Variants in HPCAL1 observed in about 807,000 individuals in gnomAD.
HPCAL1 encodes the protein hippocalcin like 1, also known as hippocalcin-like protein 1.
A neutral mutation model predicts 17.1 loss-of-function variants in HPCAL1; 8 were observed. The ratio of observed to expected loss-of-function variants is 0.47; its 90% CI spans 0.27 to 0.84. HPCAL1 has a LOEUF of 0.84. Among genes scored for constraint, HPCAL1 ranks in the 40% least tolerant of loss-of-function variants. The pLI is 0.13. For missense variants in HPCAL1, 165 were observed against 271.1 expected (o/e 0.61, Z 2.75); for synonymous variants, 112 against 111.4 (o/e 1.01, Z -0.03).
chr2:10,317,365 A>G (rs917835695), intron 1 of HPCAL1, among the ~76,000 whole-genome samples: 1 of 152,138 alleles, frequency 6.6e-6, no homozygotes, highest in East Asian at 1.9e-4. Flanking sequence ...TCTTAAAGCT[A>G]GAGATGCCTG....
chr2:10,422,440 G>A (rs1671122928), intron 3 of HPCAL1, among the ~76,000 whole-genome samples: 2 of 152,210 alleles, frequency 1.3e-5, no homozygotes, highest in Non-Finnish European at 2.9e-5. Flanking sequence ...CACTCAGGCA[G>A]AGACACGCAG....
intron 2 of HPCAL1, among the ~76,000 whole-genome samples, chr2:10,406,894 C>T (rs1670007211): frequency 1.3e-5 from 2 of 152,320 alleles, no homozygotes; most frequent in Admixed American, 1.3e-4. Context: ...TGGGCGTTTC[C>T]CTTTTCCTGT....
In HPCAL1 at chr2:10,359,153, G is replaced by T. The variant is rs1395161206; in HGVS notation, c.-110-37682G>T. ...CCCCCATCACATGCCCTTTGAGGGG[G>T]AAAAGGGAACCTTTCCCGTTTCACA... On this transcript the variant is annotated intron_variant, in intron 1 of 4. Transcript: ENST00000307845. The surrounding 1 kb of genome is among the most constrained non-coding windows in gnomAD (Gnocchi z 4.1). Among the ~76,000 whole-genome samples, 2 of 152,150 alleles carry T rather than the reference G, an allele frequency of 1.3e-5. No individual in the cohort carries two copies. Among genetic ancestry groups the T allele is most frequent in the Non-Finnish European group, 2.9e-5 (2 of 68,036 alleles).
At position 10,384,155 on chromosome 2, in the gene HPCAL1, C is replaced by T. The variant is rs1426445130; in HGVS notation, c.-110-12680C>T. ...TCCCAATCCTAGGCAGACAAAAGAA[C>T]AACCCCAGACCTCCTCCCTCAGGGT... is the stretch of plus-strand genomic sequence containing the variant. On this transcript the variant is annotated intron_variant, in intron 1 of 4. Coordinates refer to ENST00000307845, the MANE Select transcript of HPCAL1 (RefSeq NM_002149.4). This position sits in a 1 kb window ranked among gnomAD's most constrained non-coding sequence, Gnocchi z 4.4. Among the ~76,000 whole-genome samples, 1 of 152,100 alleles carries T rather than the reference C, an allele frequency of 6.6e-6. No individual in the cohort carries two copies.
rs1438861852 is a variant in HPCAL1 at position 10,323,295 on chromosome 2, T to A, written c.-111+20118T>A. Among the ~76,000 whole-genome samples, 1 of 152,236 alleles carries A rather than the reference T, an allele frequency of 6.6e-6. No individual in the cohort carries two copies. Among genetic ancestry groups the A allele is most frequent in the African/African-American group, 2.4e-5 (1 of 41,464 alleles). ...AAGCTGGCTGCTCCCCTTTCTCAGT[T>A]GTCCCCTGTGCCTCTTGTACCCTAA... On this transcript the variant is annotated intron_variant, in intron 1 of 4. Transcript: ENST00000307845. The surrounding 1 kb of genome is among the most constrained non-coding windows in gnomAD (Gnocchi z 4.6).
chr2:10,411,173 C>T (rs1345249651), intron 2 of HPCAL1, among the ~76,000 whole-genome samples: 3 of 152,160 alleles, frequency 2.0e-5, no homozygotes, highest in African/African-American at 7.2e-5. Context: ...GCTGTCCTGG[C>T]GAGCACAAGC....
rs563991014 is a variant in HPCAL1, at chr2:10,343,575, C to T, written c.-111+40398C>T. On this transcript the variant is annotated intron_variant, in intron 1 of 4. Transcript: ENST00000307845. The surrounding 1 kb of genome is among the most constrained non-coding windows in gnomAD (Gnocchi z 4.8). ...AAGTCTGGAGGATTTTTAGGGTGGG[C>T]ATGGCTTTAGGTGGGACCTCCACTA... Among the ~76,000 whole-genome samples the T allele has an allele frequency of 3.3e-5, 5 of 152,310 alleles. No individual in the cohort carries two copies. The highest frequency in any genetic ancestry group is 7.3e-5 in the Non-Finnish European group (5 of 68,034).
At chr2:10,405,465 C>T (rs1157329767) in intron 2 of HPCAL1, among the ~76,000 whole-genome samples, 2 of 152,248 alleles carry the variant, frequency 1.3e-5, no homozygotes, top group South Asian at 2.1e-4. Context: ...CTGAGGCACT[C>T]GACAGCAGAG....
Position 10,426,863 on chromosome 2 carries a change from C to T in HPCAL1, c.*42C>T, listed in dbSNP as rs116688020. 3,004 of 1,539,936 alleles carry T rather than the reference C, an allele frequency of 2.0e-3. 32 individuals carry two copies. In the African/African-American group the frequency reaches 0.03, roughly 15 times the overall value. ...CAGTTGCAGAGAAACACAGGCTTGT[C>T]GTGCCGTTTAAGCTTTGCTTGCAAG... is the stretch of plus-strand genomic sequence containing the variant. On this transcript the variant is annotated 3_prime_UTR_variant, in exon 5 of 5. Coordinates refer to ENST00000307845, the MANE Select transcript of HPCAL1 (RefSeq NM_002149.4).
At chr2:10,318,617 G>C (rs1360152931) in intron 1 of HPCAL1, among the ~76,000 whole-genome samples, 1 of 152,144 alleles carries the variant, frequency 6.6e-6, no homozygotes, top group African/African-American at 2.4e-5. Flanking sequence ...GGCCGGGTGG[G>C]CTCGGTTTTC....
At chr2:10,337,750 C>T (rs778109906) in intron 1 of HPCAL1, among the ~76,000 whole-genome samples, 5 of 152,178 alleles carry the variant, frequency 3.3e-5, no homozygotes, top group Non-Finnish European at 5.9e-5. Flanking sequence ...CAGCCCCTTC[C>T]TTCCCACCTT....
At chr2:10,397,747 T>C (rs3771148) in intron 2 of HPCAL1, among the ~76,000 whole-genome samples, 100,324 of 150,940 alleles carry the variant, frequency 0.66, 33,401 homozygotes, top group African/African-American at 0.75. Flanking sequence ...CAGGAAGGCC[T>C]GGCCATGTCC....
At chr2:10,333,793 C>T (rs1411023287) in intron 1 of HPCAL1, among the ~76,000 whole-genome samples, 2 of 152,184 alleles carry the variant, frequency 1.3e-5, no homozygotes, top group African/African-American at 4.8e-5. Flanking sequence ...CCTCCAGACT[C>T]ATTTCTGCCT....
intron 1 of HPCAL1, among the ~76,000 whole-genome samples, chr2:10,311,224 T>C (rs1332816941): frequency 1.3e-5 from 2 of 151,532 alleles, no homozygotes; most frequent in Admixed American, 6.6e-5. Flanking sequence ...AGTCATGCAG[T>C]TTGGAGCCCG....
At chr2:10,412,309 C>T (rs1025941533) in intron 2 of HPCAL1, among the ~76,000 whole-genome samples, 1 of 152,248 alleles carries the variant, frequency 6.6e-6, no homozygotes, top group Non-Finnish European at 1.5e-5. Context: ...AAACCAGTTA[C>T]ACACCATCCT....
intron 1 of HPCAL1, among the ~76,000 whole-genome samples, chr2:10,332,158 GA>G (rs935286891): frequency 6.6e-6 from 1 of 152,158 alleles, no homozygotes; most frequent in African/African-American, 2.4e-5. Context: ...ACGATCACAG[GA>G]CAGTGGCTTC....
At chr2:10,379,139 C>T (rs1667781254) in intron 1 of HPCAL1, among the ~76,000 whole-genome samples, 1 of 151,984 alleles carries the variant, frequency 6.6e-6, no homozygotes, top group Non-Finnish European at 1.5e-5. Flanking sequence ...ACCAGCCTGG[C>T]CAACATGGTG....
intron 1 of HPCAL1, among the ~76,000 whole-genome samples, chr2:10,357,692 T>C (rs923982409): frequency 1.3e-5 from 2 of 152,226 alleles, no homozygotes; most frequent in Non-Finnish European, 2.9e-5. Context: ...AGAACAGTTA[T>C]TTACTCGTTT....
intron 1 of HPCAL1, among the ~76,000 whole-genome samples, chr2:10,347,911 T>C (rs1665573714): frequency 6.6e-6 from 1 of 152,140 alleles, no homozygotes; most frequent in Admixed American, 6.6e-5. Context: ...GGAGGAGTGC[T>C]GTAGAAGGAC....
Sources: gnomAD v4.1 joint callset for allele counts (sites outside exome capture counted in the v4.1 genomes callset) on GRCh38, gnomAD v4.1.1 for gene constraint, Gnocchi (gnomAD v3.1) non-coding constraint, MANE v1.5 for transcripts, NCBI Gene and HGNC (gene_info 2026-07-23, HGNC 2026-07-21) for gene names.